The following TEX11 variants were observed in gnomAD, a reference collection of about 807,000 sequenced individuals.
TEX11 encodes testis-expressed protein 11.
Under a neutral mutation model 84.4 loss-of-function variants are expected in TEX11, and 7 were observed. The observed-to-expected ratio is 0.08, with a 90% confidence interval of 0.05 to 0.16. TEX11 has a LOEUF of 0.16. TEX11 is among the 10% of genes least tolerant of loss of function. The pLI is 1.00. For synonymous variants in TEX11, 264 were observed against 222.8 expected, an observed-to-expected ratio of 1.18 and a Z score of -1.64; for missense variants, 551 against 660.5, an observed-to-expected ratio of 0.83 and a Z score of 1.82.
At chrX:70,869,106 A>ATAAAGTAAAGTAAAG (rs2091616930) in intron 4 of TEX11, among the ~76,000 whole-genome samples, 1 of 101,970 alleles carries the variant, frequency 9.8e-6, no homozygotes, top group African/African-American at 3.7e-5. Flanking sequence ...ATAAAATAAA[A>ATAAAGTAAAGTAAAG]TAAAATAAAA....
intron 4 of TEX11, among the ~76,000 whole-genome samples, chrX:70,872,108 C>G (rs1255808897): frequency 8.9e-6 from 1 of 111,921 alleles, no homozygotes; most frequent in Non-Finnish European, 1.9e-5. Flanking sequence ...GCAATACTTC[C>G]TCATATGCAG....
chrX:70,873,400 T>C, intron 3 of TEX11, 93 bp from the exon 4 acceptor site: 1 of 616,136 alleles, frequency 1.6e-6, no homozygotes, highest in Non-Finnish European at 2.6e-6. Context: ...TATGTAACTA[T>C]TGTGGGTCAT....
chrX:70,515,239 G>A, the TEX11 span, among the ~76,000 whole-genome samples: 3 of 111,234 alleles, frequency 2.7e-5, no homozygotes, highest in Non-Finnish European at 5.7e-5. Flanking sequence ...ATTTACATTA[G>A]GTATTTCTCC....
At chrX:70,539,039 T>TATATATATATATATA (rs1555978760) in intron 28 of TEX11, among the ~76,000 whole-genome samples, 37 of 16,603 alleles carry the variant, frequency 2.2e-3, no homozygotes, top group Non-Finnish European at 2.9e-3. Flanking sequence ...TATATATATA[T>TATATATATATATATA]TTTTTTTTTT....
At position 70,836,072 on chromosome X, in the gene TEX11, C is replaced by T. The variant is rs73546712; in HGVS notation, c.526-2479G>A. 8.2e-3 allele frequency among the ~76,000 whole-genome samples: 802 copies of T among 97,545 alleles called. 17 individuals are homozygous for T. The highest frequency in any genetic ancestry group is 0.028 in the African/African-American group (744 of 26,186). 84.7% of individuals were successfully genotyped at this position (97,545 alleles called of 115,157 possible). A position where few individuals can be genotyped will look rare whatever the true frequency, so the allele number is the denominator to read the frequency against. ...CAGAGGCTGCAGTGAGCCGAGATGG[C>T]GCAATATTGCCTGGGCAATAGAGTG... On this transcript the variant is annotated intron_variant, in intron 7 of 29. Coordinates refer to ENST00000374333, the MANE Select transcript of TEX11 (RefSeq NM_031276.3).
chrX:70,742,563 C>T (rs1357861866), intron 10 of TEX11, among the ~76,000 whole-genome samples: 1 of 108,768 alleles, frequency 9.2e-6, no homozygotes, highest in Non-Finnish European at 1.9e-5. Flanking sequence ...ACCCCCGTCT[C>T]TATAAAAAAT....
At chrX:70,795,616 G>A (rs1427946466) in intron 9 of TEX11, among the ~76,000 whole-genome samples, 1 of 111,355 alleles carries the variant, frequency 9.0e-6, no homozygotes, top group African/African-American at 3.3e-5. Context: ...TCCTCCCCTA[G>A]CTCCAGACAG....
chrX:70,645,910 A>T (rs1603189417), intron 17 of TEX11, among the ~76,000 whole-genome samples: 1 of 104,970 alleles, frequency 9.5e-6, no homozygotes, highest in South Asian at 3.9e-4. Flanking sequence ...TCCCAGAAAT[A>T]AAAAAAAAAA....
In TEX11 at chrX:70,854,209, C is replaced by T. The variant is rs776077473; in HGVS notation, c.325-881G>A. Among the ~76,000 whole-genome samples the T allele has an allele frequency of 2.2e-3, 248 of 111,405 alleles. 1 individual carries two copies. Among genetic ancestry groups the T allele is most frequent in the African/African-American group, 7.6e-3 (234 of 30,648 alleles). On this transcript the variant is annotated intron_variant, in intron 5 of 29. Transcript: ENST00000374333. ...AGCAGATGGAAACATACAGAGATAC[C>T]AAATTATAATCCACAGAGTTAAATA...
intron 13 of TEX11, among the ~76,000 whole-genome samples, chrX:70,703,027 T>C (rs761056798): frequency 1.4e-4 from 16 of 111,539 alleles, no homozygotes; most frequent in Middle Eastern, 4.7e-3. Flanking sequence ...TTTGCAGATA[T>C]TAATACATTT....
the TEX11 span, among the ~76,000 whole-genome samples, chrX:70,521,224 T>C: frequency 9.0e-6 from 1 of 110,922 alleles, no homozygotes; most frequent in Non-Finnish European, 1.9e-5. Flanking sequence ...TCTGAGTTGA[T>C]CATGCTGGGA....
At chrX:70,609,307 G>T in intron 21 of TEX11, 130 bp from the exon 22 acceptor site, 1 of 414,649 alleles carries the variant, frequency 2.4e-6, no homozygotes. Flanking sequence ...ATGTGTGTAG[G>T]GGTGCATACC....
At chrX:70,627,271 G>A (rs760697513) in intron 18 of TEX11, among the ~76,000 whole-genome samples, 2 of 111,961 alleles carry the variant, frequency 1.8e-5, no homozygotes, top group Non-Finnish European at 1.9e-5. Context: ...AGAGAAGGAA[G>A]GTCAAGAGGT....
chrX:70,794,287 A>G (rs1429378078), intron 9 of TEX11, among the ~76,000 whole-genome samples: 1 of 112,033 alleles, frequency 8.9e-6, no homozygotes, highest in Non-Finnish European at 1.9e-5. Flanking sequence ...GTTGACGTCA[A>G]TGGAGAGCAC....
chrX:70,832,587 C>A (rs990948146), intron 8 of TEX11, among the ~76,000 whole-genome samples: 1 of 111,712 alleles, frequency 9.0e-6, no homozygotes, highest in Non-Finnish European at 1.9e-5. Context: ...CAAATAGGTA[C>A]GATGTATGCA....
At chrX:70,619,564 C>T (rs2089358819) in intron 20 of TEX11, among the ~76,000 whole-genome samples, 1 of 111,468 alleles carries the variant, frequency 9.0e-6, no homozygotes, top group African/African-American at 3.3e-5. Flanking sequence ...TAAGGGAAAT[C>T]CAATATTACA....
intron 4 of TEX11, 92 bp downstream of exon 4, chrX:70,873,131 A>G: frequency 1.9e-6 from 1 of 535,456 alleles, no homozygotes; most frequent in Non-Finnish European, 3.0e-6. Flanking sequence ...TCTATCTAAG[A>G]ATGGGTCAAA....
At chrX:70,823,377 A>AT (rs1221369309) in intron 8 of TEX11, among the ~76,000 whole-genome samples, 1 of 110,417 alleles carries the variant, frequency 9.1e-6, no homozygotes, top group African/African-American at 3.3e-5. Context: ...TGTATAGGTG[A>AT]TTTTTTTCTA....
chrX:70,875,312 T>C (rs1292269590), intron 3 of TEX11, among the ~76,000 whole-genome samples: 1 of 111,498 alleles, frequency 9.0e-6, no homozygotes, highest in Non-Finnish European at 1.9e-5. Context: ...TTGCACTTAA[T>C]AGTGTTCTTC....
Sources: gnomAD v4.1 joint callset for allele counts (sites outside exome capture counted in the v4.1 genomes callset) on GRCh38, gnomAD v4.1.1 for gene constraint, MANE v1.5 for transcripts, NCBI Gene and HGNC (gene_info 2026-07-23, HGNC 2026-07-21) for gene names.